SGTA: variants seen among roughly 807,000 people sequenced by gnomAD.
The protein encoded by SGTA is small glutamine rich tetratricopeptide repeat co-chaperone alpha, also known as small glutamine-rich tetratricopeptide repeat-containing protein alpha.
In SGTA, 22 loss-of-function variants were observed where a neutral mutation model predicts 44.3. The observed-to-expected ratio is 0.50, with a 90% CI of 0.36 to 0.71. The LOEUF (loss-of-function observed/expected upper bound fraction) is 0.71. Ranked by LOEUF, SGTA falls within the 30% of genes least tolerant of loss-of-function variation. The pLI is 0.00. For missense variants in SGTA, 341 were observed against 435.9 expected, an observed-to-expected ratio of 0.78 and a Z score of 1.94; for synonymous variants, 174 against 177.6, an observed-to-expected ratio of 0.98 and a Z score of 0.16.
chr19:2,769,167 A>T, intron 1 of SGTA, 76 bp from the exon 2 acceptor site: 3 of 832,716 alleles, frequency 3.6e-6, no homozygotes, highest in Non-Finnish European at 6.0e-6. Flanking sequence ...GCCCCTAACT[A>T]GCTGGGCCTC....
At chr19:2,775,317 C>A (rs113916383) in intron 1 of SGTA, among the ~76,000 whole-genome samples, 2,304 of 152,324 alleles carry the variant, frequency 0.015, 30 homozygotes, top group Non-Finnish European at 0.021. Flanking sequence ...ACAGCCACCA[C>A]CCCCTAGAAA....
rs79901311 is a variant in SGTA, at chr19:2,779,485, C to T, written c.-24+3748G>A. Among the ~76,000 whole-genome samples, 705 of 152,326 alleles carry T rather than the reference C, an allele frequency of 4.6e-3. 7 individuals are homozygous for T. Among genetic ancestry groups the T allele is most frequent in the African/African-American group, 0.016 (663 of 41,572 alleles). ...TGAGGACGGCATTTTCCTCAACTGC[C>T]GTTTGGCACTCGGTGTCTTTGGAAC... On this transcript the variant is annotated intron_variant, in intron 1 of 11. Transcript: ENST00000221566.
At position 2,768,156 on chromosome 19, in the gene SGTA, C is replaced by A. The variant is rs568042232; in HGVS notation, c.101-470G>T. ...CAGGGCAGGACCATTGAGAGCAGGA[C>A]AAGAAACAGCCACAGGGCCCCTCTC... On this transcript the variant is annotated intron_variant, in intron 2 of 11. Coordinates refer to ENST00000221566, the MANE Select transcript of SGTA (RefSeq NM_003021.4). 5.3e-5 allele frequency among the ~76,000 whole-genome samples: 8 copies of A among 152,288 alleles called. No homozygotes were observed. The East Asian group carries it at 1.2e-3, about 22-fold the overall frequency.
intron 8 of SGTA, among the ~76,000 whole-genome samples, chr19:2,760,812 T>G (rs1914968898): frequency 6.6e-6 from 1 of 152,094 alleles, no homozygotes. Flanking sequence ...TGACTGACAG[T>G]GAGACTGAGG....
rs1915194895 is a variant in SGTA, at chr19:2,767,916, G to A, written c.101-230C>T. On this transcript the variant is annotated intron_variant, in intron 2 of 11. Transcript: ENST00000221566. This position sits in a 1 kb window ranked among gnomAD's most constrained non-coding sequence, Gnocchi z 7.3. ...CGTGCCCCTGAGAGCAGCAGAGGCC[G>A]TGGGCAGAGTGGAGCCCAGGTGGTG... Among the ~76,000 whole-genome samples, 2 of 152,204 alleles carry A rather than the reference G, an allele frequency of 1.3e-5. 1 individual carries two copies. The highest frequency in any genetic ancestry group is 1.3e-4 in the Admixed American group (2 of 15,282).
At chr19:2,770,932 C>G (rs1436057771) in intron 1 of SGTA, among the ~76,000 whole-genome samples, 2 of 152,236 alleles carry the variant, frequency 1.3e-5, no homozygotes, top group African/African-American at 2.4e-5. Flanking sequence ...TTTAAGCCAG[C>G]CGGGTTGTGA....
In SGTA at chr19:2,763,664, G is replaced by A. The variant is rs1292495666; in HGVS notation, c.486C>T (p.Tyr162=). 3 of 1,612,324 alleles carry A rather than the reference G, an allele frequency of 1.9e-6. No homozygotes were observed. Among genetic ancestry groups the A allele is most frequent in the East Asian group, 2.2e-5 (1 of 44,840 alleles). The change falls in exon 6 of 12, where the codon TAC becomes TAT. Residue 162 remains tyrosine, a synonymous_variant. Coordinates refer to ENST00000221566, the MANE Select transcript of SGTA (RefSeq NM_003021.4). This position sits in a 1 kb window ranked among gnomAD's most constrained non-coding sequence, Gnocchi z 5.8. ...ICIDPAYSKA[Y]GRMGLALSSL... ...GGACAGGCACTCACCCCATCCTGCC[G>A]TAGGCCTTGCTGTAGGCCGGGTCAA...
rs769320116 is a variant in SGTA, at chr19:2,767,567, C to G, written c.207+13G>C. ...ATTTTGGGGGCAGTGGCTGGGGAAG[C>G]ATCGAGGCTCACCTTGCCCGTGGCA... On this transcript the variant is annotated intron_variant, in intron 3 of 11. Coordinates refer to ENST00000221566, the MANE Select transcript of SGTA (RefSeq NM_003021.4). The surrounding 1 kb of genome is among the most constrained non-coding windows in gnomAD (Gnocchi z 7.3). 1 of 1,604,462 alleles carries G rather than the reference C, an allele frequency of 6.2e-7. No individual in the cohort carries two copies. The highest frequency in any genetic ancestry group is 8.5e-7 in the Non-Finnish European group (1 of 1,172,576).
chr19:2,779,967 T>C (rs888707300), intron 1 of SGTA, among the ~76,000 whole-genome samples: 17 of 151,846 alleles, frequency 1.1e-4, no homozygotes, highest in African/African-American at 4.1e-4. Context: ...CACACACTAG[T>C]AGTCCCAGCT....
Position 2,757,793 on chromosome 19 carries a change from G to C in SGTA, c.738-11C>G, listed in dbSNP as rs766506954. 7.0e-6 allele frequency: 11 copies of C among 1,562,752 alleles called. No individual in the cohort carries two copies. Among genetic ancestry groups the C allele is most frequent in the Middle Eastern group, 1.7e-4 (1 of 5,880 alleles). ...ATCATGCCGGACATGCTGCAGGAGA[G>C]AGCGCGTGACTCGCAGCCGGGACAG... On this transcript the variant is annotated splice_polypyrimidine_tract_variant and intron_variant, in intron 9 of 11. Transcript: ENST00000221566.
chr19:2,783,036 A>T (rs1315978282), intron 1 of SGTA, among the ~76,000 whole-genome samples, 197 bp downstream of exon 1: 1 of 152,228 alleles, frequency 6.6e-6, no homozygotes, highest in Non-Finnish European at 1.5e-5. Flanking sequence ...GGCCTGGGGA[A>T]GGGAGATCAG....
At chr19:2,770,601 C>A in intron 1 of SGTA, 1 of 153,416 alleles carries the variant, frequency 6.5e-6, no homozygotes, top group South Asian at 1.8e-4. Context: ...CAGCCAAGTT[C>A]TGGGCTAGTC....
chr19:2,757,634 G>A (rs1255469012), intron 10 of SGTA, 59 bp downstream of exon 10: 27 of 1,461,460 alleles, frequency 1.8e-5, no homozygotes, highest in East Asian at 1.5e-4. Flanking sequence ...CTTCCCTTCC[G>A]CCTGCGAGCC....
At chr19:2,759,601 T>C (rs1351225193) in intron 8 of SGTA, 1 of 389,114 alleles carries the variant, frequency 2.6e-6, no homozygotes, top group South Asian at 3.3e-5. Context: ...TGGTTCTTTA[T>C]TTTAGCTGCT....
At chr19:2,769,793 G>C (rs114658030) in intron 1 of SGTA, among the ~76,000 whole-genome samples, 3 of 44,100 alleles carry the variant, frequency 6.8e-5, no homozygotes, top group Admixed American at 3.2e-4. Context: ...TCGGACACCC[G>C]CCTGGTTCCC....
Position 2,763,744 on chromosome 19 carries a change from T to C in SGTA, c.406A>G (p.Ser136Gly), listed in dbSNP as rs1213564851. 1 of 1,613,608 alleles carries C rather than the reference T, an allele frequency of 6.2e-7. No homozygotes were observed. The highest frequency in any genetic ancestry group is 8.5e-7 in the Non-Finnish European group (1 of 1,179,864). Residue 136 changes from serine to glycine, a missense_variant, in exon 6 of 12, where the codon AGC (serine) becomes GGC (glycine). Ser to Gly is a moderately conservative substitution (Grantham distance 56). Transcript: ENST00000221566. The surrounding 1 kb of genome is among the most constrained non-coding windows in gnomAD (Gnocchi z 5.8). ...GCGCCTGCGTAGTTGCCGAGTTTGC[T>C]GTAGGCTGCGGCTCTGGGGAAGAAA... is the stretch of plus-strand genomic sequence containing the variant. ...VYFCNRAAAY[S>G]KLGNYAGAVQ... is the part of the protein sequence containing the mutation.
chr19:2,761,320 G>A lies in SGTA; in HGVS notation c.699+140C>T, dbSNP rs1599497774. 8 of 790,436 alleles carry A rather than the reference G, an allele frequency of 1.0e-5. No individual in the cohort carries two copies. The highest frequency in any genetic ancestry group is 4.3e-5 in the Admixed American group (2 of 46,112). 49.0% of individuals were successfully genotyped at this position (790,436 alleles called of 1,614,324 possible). On this transcript the variant is annotated intron_variant, in intron 8 of 11. Transcript: ENST00000221566. This position sits in a 1 kb window ranked among gnomAD's most constrained non-coding sequence, Gnocchi z 5.7. ...GCCAGCGCCCTGCGGTGCCCAGGACGACCCCACAGACAAGACCCATCTGGT... is the reference window on the plus strand; with the variant it reads ...GCCAGCGCCCTGCGGTGCCCAGGACAACCCCACAGACAAGACCCATCTGGT...
At chr19:2,773,777 A>T (rs369883335) in intron 1 of SGTA, among the ~76,000 whole-genome samples, 3 of 54,804 alleles carry the variant, frequency 5.5e-5, no homozygotes, top group African/African-American at 1.4e-4. Context: ...CGGCGGGGAC[A>T]CCGAGGGCAG....
At position 2,761,414 on chromosome 19, in the gene SGTA, G is replaced by T. The variant is rs533409636; in HGVS notation, c.699+46C>A. On this transcript the variant is annotated intron_variant, in intron 8 of 11. Coordinates refer to ENST00000221566, the MANE Select transcript of SGTA (RefSeq NM_003021.4). The surrounding 1 kb of genome is among the most constrained non-coding windows in gnomAD (Gnocchi z 5.7). ...GCGGACACAGCAGATGCGGGCCTGG[G>T]GGGTGGCGCAGACACCATGGACAGG... 1.3e-6 allele frequency: 2 copies of T among 1,491,186 alleles called. No homozygotes were observed. The highest frequency in any genetic ancestry group is 9.2e-7 in the Non-Finnish European group (1 of 1,092,884). 92.4% of individuals were successfully genotyped at this position (1,491,186 alleles called of 1,614,324 possible). A position where few individuals can be genotyped will look rare whatever the true frequency, so the allele number is the denominator to read the frequency against.
Sources: gnomAD v4.1 joint callset for allele counts (sites outside exome capture counted in the v4.1 genomes callset) on GRCh38, gnomAD v4.1.1 for gene constraint, Gnocchi (gnomAD v3.1) non-coding constraint, MANE v1.5 for transcripts, NCBI Gene and HGNC (gene_info 2026-07-23, HGNC 2026-07-21) for gene names.